Variants in OSMR observed in about 807,000 individuals in gnomAD.
OSMR encodes the protein oncostatin M receptor.
In OSMR, 81 loss-of-function variants were observed where a neutral mutation model predicts 99.9. The observed-to-expected ratio is 0.81, with a 90% confidence interval of 0.68 to 0.97. The LOEUF (loss-of-function observed/expected upper bound fraction) is 0.97. OSMR is among the 50% of genes least tolerant of loss of function. The pLI, the probability that OSMR is intolerant of heterozygous loss-of-function variation, is 0.00. For synonymous variants in OSMR, 406 were observed against 410.4 expected, an observed-to-expected ratio of 0.99 and a Z score of 0.13; for missense variants, 1,099 against 1,153.4, an observed-to-expected ratio of 0.95 and a Z score of 0.68.
chr5:38,874,884 A>G (rs559634556), intron 2 of OSMR, among the ~76,000 whole-genome samples: 1 of 152,378 alleles, frequency 6.6e-6, no homozygotes, highest in East Asian at 1.9e-4. Context: ...CAACATAAGT[A>G]AAGACCCTAG....
chr5:38,883,942 C>A lies in OSMR; in HGVS notation c.534C>A (p.Ser178=), dbSNP rs375013056. The change falls in exon 5 of 18, where the codon TCC becomes TCA. Residue 178 remains serine (S), a synonymous_variant. Coordinates refer to ENST00000274276, the MANE Select transcript of OSMR (RefSeq NM_003999.3). Reference sequence around the variant, plus strand: ...CTAGGAACATTCAAAATAATGTATCCTGTTATTTGGAAGGGAAACAGATTC... The same window carrying A: ...CTAGGAACATTCAAAATAATGTATCATGTTATTTGGAAGGGAAACAGATTC... The part of the protein sequence containing the change: ...YVSRNIQNNV[S]CYLEGKQIHG... 4.3e-6 allele frequency: 7 copies of A among 1,613,604 alleles called. No homozygotes were observed. The African/African-American group carries it at 8.0e-5, about 18-fold the overall frequency.
chr5:38,936,249 T>C (rs1265530271), downstream of OSMR, among the ~76,000 whole-genome samples: 1 of 152,034 alleles, frequency 6.6e-6, no homozygotes, highest in African/African-American at 2.4e-5. Context: ...CACATTGTTT[T>C]GAAGCAAATC....
At chr5:38,879,482 G>A (rs1393209963) in intron 3 of OSMR, among the ~76,000 whole-genome samples, 1 of 152,188 alleles carries the variant, frequency 6.6e-6, no homozygotes, top group Admixed American at 6.5e-5. Flanking sequence ...GCGGAGATGC[G>A]GGTAAGAGAA....
chr5:38,912,872 T>C (rs1745675298), intron 9 of OSMR, among the ~76,000 whole-genome samples: 1 of 152,130 alleles, frequency 6.6e-6, no homozygotes, highest in Admixed American at 6.5e-5. Context: ...TGGCTAGCTA[T>C]GTGTGGAAGA....
At chr5:38,913,041 C>G (rs1316946651) in intron 9 of OSMR, among the ~76,000 whole-genome samples, 1 of 151,952 alleles carries the variant, frequency 6.6e-6, no homozygotes, top group African/African-American at 2.4e-5. Flanking sequence ...ACTAAGTCTT[C>G]AAAAGAAATT....
intron 14 of OSMR, 181 bp from the exon 15 acceptor site, chr5:38,925,023 G>A (rs1746409851): frequency 1.0e-6 from 1 of 964,574 alleles, no homozygotes; most frequent in Non-Finnish European, 1.2e-6. Flanking sequence ...GCCATCTCCT[G>A]ACCATTTTAC....
intron 15 of OSMR, among the ~76,000 whole-genome samples, chr5:38,930,100 A>G (rs979915921): frequency 6.6e-6 from 1 of 152,210 alleles, no homozygotes; most frequent in Non-Finnish European, 1.5e-5. Flanking sequence ...CACAGACCAC[A>G]TAATGTTTCT....
intron 1 of OSMR, among the ~76,000 whole-genome samples, chr5:38,856,155 A>G (rs1387652576): frequency 6.6e-6 from 1 of 152,194 alleles, no homozygotes; most frequent in Non-Finnish European, 1.5e-5. Flanking sequence ...TACAAGGTAT[A>G]GAACTGAGGA....
In OSMR at chr5:38,933,608, A is replaced by AACTT; in HGVS notation, c.*166_*169dup. The AACTT allele has an allele frequency of 1.4e-6, 1 of 711,456 alleles. No homozygotes were observed. The highest frequency in any genetic ancestry group is 2.4e-6 in the Non-Finnish European group (1 of 417,456). The allele number at this position is 711,456 out of a possible 1,614,324, so 44.1% of individuals were successfully genotyped here. ...CTAGGTTAAAGGCCAGAGGCTATGG[A>AACTT]ACTTAACACTCCCCATTGGAGCAAG... On this transcript the variant is annotated 3_prime_UTR_variant, in exon 18 of 18. Coordinates refer to ENST00000274276, the MANE Select transcript of OSMR (RefSeq NM_003999.3).
At position 38,923,052 on chromosome 5, in the gene OSMR, A is replaced by G. The variant is rs1746306997; in HGVS notation, c.1766-98A>G. ...CGGCCTCCCAAAGTGCTGGGATTTC[A>G]GGCGTGAGCCAACGTGTCATGCCTT... On this transcript the variant is annotated intron_variant, in intron 12 of 17. Coordinates refer to ENST00000274276, the MANE Select transcript of OSMR (RefSeq NM_003999.3). 13 of 1,474,582 alleles carry G rather than the reference A, an allele frequency of 8.8e-6. No individual in the cohort carries two copies. In the South Asian group the frequency reaches 1.4e-4, roughly 16 times the overall value. 91.3% of individuals were successfully genotyped at this position (1,474,582 alleles called of 1,614,324 possible).
chr5:38,875,473 G>C (rs559547624), intron 2 of OSMR, among the ~76,000 whole-genome samples: 2 of 152,302 alleles, frequency 1.3e-5, no homozygotes, highest in South Asian at 4.1e-4. Context: ...ATAGGCTGCT[G>C]CTTCCCAAGG....
intron 7 of OSMR, among the ~76,000 whole-genome samples, chr5:38,895,371 G>T (rs1020995246): frequency 1.8e-4 from 27 of 152,032 alleles, no homozygotes; most frequent in Non-Finnish European, 3.7e-4. Context: ...GTTTTGATTT[G>T]TATTTCTCTG....
At chr5:38,849,775 AC>A (rs2112006619) in intron 1 of OSMR, among the ~76,000 whole-genome samples, 1 of 152,352 alleles carries the variant, frequency 6.6e-6, no homozygotes, top group Non-Finnish European at 1.5e-5. Flanking sequence ...TATTGGCTAC[AC>A]ATCAGATTAA....
intron 9 of OSMR, among the ~76,000 whole-genome samples, chr5:38,907,003 A>G (rs1745281709): frequency 6.6e-6 from 1 of 152,246 alleles, no homozygotes; most frequent in African/African-American, 2.4e-5. Context: ...AAACCATTTT[A>G]GTATGCAGAA....
Position 38,881,662 on chromosome 5 carries a change from G to A in OSMR, c.316G>A (p.Glu106Lys). Residue 106 changes from glutamate (E) to lysine (K), a missense_variant, in exon 4 of 18, where the codon GAA (glutamate) becomes AAA (lysine). Physicochemically the swap from Glu to Lys is moderately conservative, Grantham distance 56 (BLOSUM62 1). Transcript: ENST00000274276. ...HWSWESELPL[E>K]CATHFVRIKS... The stretch of plus-strand genomic sequence containing the variant: ...GAGCTGGGAATCTGAGCTCCCTTTG[G>A]AATGTGCCACACACTTTGTAAGAAT... 1.2e-6 allele frequency: 2 copies of A among 1,614,198 alleles called. No homozygotes were observed. Among genetic ancestry groups the A allele is most frequent in the South Asian group, 2.2e-5 (2 of 91,082 alleles).
In OSMR at chr5:38,863,998, A is replaced by G. The variant is rs1449245230; in HGVS notation, c.-13-5034A>G. Among the ~76,000 whole-genome samples the G allele has an allele frequency of 2.0e-5, 3 of 152,174 alleles. No individual in the cohort carries two copies. In the East Asian group the frequency reaches 5.8e-4, roughly 29 times the overall value. On this transcript the variant is annotated intron_variant, in intron 1 of 17. Coordinates refer to ENST00000274276, the MANE Select transcript of OSMR (RefSeq NM_003999.3). ...TCACTTGCTTTTGATTTCAATTTGC[A>G]TAGAATATCTTTTCCTATCCCTTCA...
At chr5:38,879,125 G>A (rs1743062707) in intron 3 of OSMR, among the ~76,000 whole-genome samples, 1 of 152,248 alleles carries the variant, frequency 6.6e-6, no homozygotes, top group Non-Finnish European at 1.5e-5. Context: ...ATAAAGGGCT[G>A]TTTGAGACCA....
At chr5:38,929,686 T>C (rs966015013) in intron 15 of OSMR, among the ~76,000 whole-genome samples, 9 of 152,144 alleles carry the variant, frequency 5.9e-5, no homozygotes, top group Non-Finnish European at 1.2e-4. Context: ...ATACCTTAGA[T>C]GTGAGAGCCT....
At chr5:38,849,705 T>A (rs1740203744) in intron 1 of OSMR, among the ~76,000 whole-genome samples, 1 of 152,192 alleles carries the variant, frequency 6.6e-6, no homozygotes, top group African/African-American at 2.4e-5. Context: ...TGGTATGAGC[T>A]CCAAGCTTTA....
Sources: allele counts gnomAD v4.1 joint callset (sites outside exome capture counted in the v4.1 genomes callset), GRCh38; gene constraint gnomAD v4.1.1; transcripts MANE v1.5; gene names NCBI Gene and HGNC (gene_info 2026-07-23, HGNC 2026-07-21).